The following ACSF3 variants were observed in gnomAD, a reference collection of about 807,000 sequenced individuals.
ACSF3 encodes the protein malonate--CoA ligase ACSF3, mitochondrial.
A neutral mutation model predicts 53.2 loss-of-function variants in ACSF3; 78 were observed. The observed-to-expected ratio is 1.47, with a 90% CI of 1.22 to 1.77. The LOEUF (loss-of-function observed/expected upper bound fraction) is 1.77, where lower values mean the gene tolerates loss of function less well. ACSF3 is among the 40% of genes most tolerant of loss of function. The probability of loss-of-function intolerance (pLI) is 0.00; values close to 1 mark genes in which losing one functional copy is unlikely to be tolerated. For missense variants in ACSF3, 937 were observed against 771.1 expected (o/e 1.22, Z -2.55); for synonymous variants, 414 against 333.1 (o/e 1.24, Z -2.65).
At chr16:89,116,392 C>T (rs1905117633) in intron 6 of ACSF3, among the ~76,000 whole-genome samples, 1 of 152,180 alleles carries the variant, frequency 6.6e-6, no homozygotes, top group African/African-American at 2.4e-5. Context: ...CAGCTGGTGC[C>T]AGGCAGCGAT....
Position 89,145,348 on chromosome 16 carries a change from A to G in ACSF3, c.1448A>G (p.Lys483Arg). ...GACATCATCAAGACTGGAGGCTACAAGGTCAGCGCCCTGGAGGTGGAGTGG... is the reference window on the plus strand; with the variant it reads ...GACATCATCAAGACTGGAGGCTACAGGGTCAGCGCCCTGGAGGTGGAGTGG... ...SVDIIKTGGY[K>R]VSALEVEWHL... Residue 483 changes from lysine to arginine, a missense_variant, in exon 9 of 11, where the codon AAG (lysine) becomes AGG (arginine). Physicochemically the swap from Lys to Arg is conservative, Grantham distance 26. Transcript: ENST00000614302. 6.2e-7 allele frequency: 1 copy of G among 1,614,224 alleles called. No homozygotes were observed. The highest frequency in any genetic ancestry group is 1.3e-5 in the African/African-American group (1 of 75,070).
rs1567758341 is a variant in ACSF3 at position 89,154,400 on chromosome 16, A to G, written c.*193A>G. On this transcript the variant is annotated 3_prime_UTR_variant, in exon 11 of 11. Transcript: ENST00000614302. ...AGCCTCGGGCCAGTTGTTGCAGCTCAAGGAGACCGTCCCTGGTGTCACCTC... is the reference window on the plus strand; with the variant it reads ...AGCCTCGGGCCAGTTGTTGCAGCTCGAGGAGACCGTCCCTGGTGTCACCTC... 1.5e-6 allele frequency: 1 copy of G among 686,958 alleles called. No homozygotes were observed. The highest frequency in any genetic ancestry group is 2.6e-6 in the Non-Finnish European group (1 of 378,972). 42.6% of individuals were successfully genotyped at this position (686,958 alleles called of 1,614,324 possible). A position where few individuals can be genotyped will look rare whatever the true frequency, so the allele number is the denominator to read the frequency against.
At chr16:89,110,891 T>A (rs1240703804) in intron 4 of ACSF3, among the ~76,000 whole-genome samples, 2 of 152,242 alleles carry the variant, frequency 1.3e-5, no homozygotes, top group African/African-American at 4.8e-5. Context: ...TGGTCGCCTG[T>A]GTCTTTGCTT....
At chr16:89,127,598 C>T (rs2151502267) in intron 7 of ACSF3, among the ~76,000 whole-genome samples, 1 of 152,210 alleles carries the variant, frequency 6.6e-6, no homozygotes, top group African/African-American at 2.4e-5. Context: ...AACTCCTGGC[C>T]TCAAGTGATT....
At chr16:89,141,238 C>G in intron 8 of ACSF3, 1 of 1,287,252 alleles carries the variant, frequency 7.8e-7, no homozygotes, top group Non-Finnish European at 1.0e-6. Context: ...AAGAACAAAA[C>G]CAGCCACTTT....
chr16:89,120,747 C>T (rs775033629), intron 6 of ACSF3, 54 bp from the exon 7 acceptor site: 24 of 1,541,252 alleles, frequency 1.6e-5, no homozygotes, highest in Non-Finnish European at 1.6e-5. Context: ...GTGCTTCTCT[C>T]CTCCAGGTTC....
chr16:89,142,408 C>G (rs112649994), intron 8 of ACSF3, among the ~76,000 whole-genome samples: 7 of 152,294 alleles, frequency 4.6e-5, no homozygotes, highest in African/African-American at 1.7e-4. Context: ...ATACTCAGTG[C>G]CACCACTCCT....
At chr16:89,122,041 C>T (rs1906778706) in intron 7 of ACSF3, among the ~76,000 whole-genome samples, 2 of 135,800 alleles carry the variant, frequency 1.5e-5, no homozygotes, top group Non-Finnish European at 3.2e-5. Flanking sequence ...ATTCTGTTTC[C>T]CCGTGGAAAC....
At chr16:89,114,112 C>A (rs1268491700) in intron 5 of ACSF3, 1 of 614,482 alleles carries the variant, frequency 1.6e-6, no homozygotes, top group Non-Finnish European at 2.9e-6. Flanking sequence ...CTAAAATACA[C>A]CCAACAGATC....
rs779356779 is a variant in ACSF3 at position 89,114,428 on chromosome 16, G to C, written c.1067G>C (p.Gly356Ala). ...ITGHTLLERYGMTEIGMALSG... is the reference protein window; with the variant it reads ...ITGHTLLERYAMTEIGMALSG... ...GGCCACACCCTGCTGGAGCGGTATG[G>C]CATGACCGAGATCGGCATGGCTCTG... Residue 356 changes from glycine (G) to alanine (A), a missense_variant, in exon 6 of 11, where the codon GGC (glycine) becomes GCC (alanine). Gly to Ala is a moderately conservative substitution (Grantham distance 60). Coordinates refer to ENST00000614302, the MANE Select transcript of ACSF3 (RefSeq NM_001243279.3). 1 of 1,613,718 alleles carries C rather than the reference G, an allele frequency of 6.2e-7. No individual in the cohort carries two copies. Among genetic ancestry groups the C allele is most frequent in the Admixed American group, 1.7e-5 (1 of 60,022 alleles).
At chr16:89,134,333 C>T (rs890462436) in intron 8 of ACSF3, among the ~76,000 whole-genome samples, 31 of 152,068 alleles carry the variant, frequency 2.0e-4, no homozygotes, top group African/African-American at 7.3e-4. Context: ...AACCCAGTGA[C>T]TAGTGTTCAG....
chr16:89,140,202 A>G (rs191650515), intron 8 of ACSF3, among the ~76,000 whole-genome samples: 52 of 152,224 alleles, frequency 3.4e-4, no homozygotes, highest in African/African-American at 1.1e-3. Flanking sequence ...CCTGGCCGCA[A>G]TGGAGGCCGC....
chr16:89,121,032 C>T (rs1293536932), intron 7 of ACSF3, 119 bp downstream of exon 7: 8 of 863,552 alleles, frequency 9.3e-6, no homozygotes, highest in East Asian at 2.6e-5. Context: ...GGGGACCAGC[C>T]CCCTGGACAC....
At chr16:89,146,770 A>T (rs1913042654) in intron 10 of ACSF3, among the ~76,000 whole-genome samples, 1 of 151,490 alleles carries the variant, frequency 6.6e-6, no homozygotes, top group South Asian at 2.1e-4. Context: ...ACTTTCTCCC[A>T]CCTGTCTCAC....
chr16:89,103,517 G>T (rs1478849198), intron 4 of ACSF3, among the ~76,000 whole-genome samples: 1 of 152,238 alleles, frequency 6.6e-6, no homozygotes, highest in East Asian at 1.9e-4. Flanking sequence ...GCTTCCCTTT[G>T]TGCAGCCTAT....
In ACSF3 at chr16:89,105,749, C is replaced by T. The variant is rs946237377; in HGVS notation, c.822+2990C>T. Among the ~76,000 whole-genome samples, 5 of 152,222 alleles carry T rather than the reference C, an allele frequency of 3.3e-5. No individual in the cohort carries two copies. The South Asian group carries it at 6.2e-4, about 19-fold the overall frequency. ...GGCAGCAACGGCCATTGTCGTGGAC[C>T]GTGCCAGGGCGAGATGCAGCTGGCA... On this transcript the variant is annotated intron_variant, in intron 4 of 10. Transcript: ENST00000614302.
intron 4 of ACSF3, among the ~76,000 whole-genome samples, chr16:89,109,600 C>T (rs1237890196): frequency 6.6e-6 from 1 of 151,906 alleles, no homozygotes; most frequent in Admixed American, 6.6e-5. Context: ...TTTATAGAGA[C>T]CAGGTTTCAC....
chr16:89,120,825 G>T lies in ACSF3; in HGVS notation c.1151G>T (p.Gly384Val), dbSNP rs1906459931. ...GGTTCCGTGGGGACCCCACTGCCTG[G>T]AGTACAGGTGCGCATTGTCTCAGAA... ...LPGSVGTPLP[G>V]VQVRIVSENP... Residue 384 changes from glycine (G) to valine (V), a missense_variant, in exon 7 of 11, where the codon GGA becomes GTA. Physicochemically the swap from Gly to Val is moderately radical, Grantham distance 109. Coordinates refer to ENST00000614302, the MANE Select transcript of ACSF3 (RefSeq NM_001243279.3). 6.2e-7 allele frequency: 1 copy of T among 1,613,992 alleles called. No individual in the cohort carries two copies. The highest frequency in any genetic ancestry group is 1.3e-5 in the African/African-American group (1 of 74,946).
rs191854493 is a variant in ACSF3 at position 89,122,512 on chromosome 16, C to T, written c.1239+1599C>T. ...CCTTCCTGGCTCTCAAGTCTGTGCC[C>T]TGCAGTGCCCCTGCCCCCAACTCGA... On this transcript the variant is annotated intron_variant, in intron 7 of 10. Transcript: ENST00000614302. 11 of 372,396 alleles carry T rather than the reference C, an allele frequency of 3.0e-5. No individual in the cohort carries two copies. In the Admixed American group the frequency reaches 3.3e-4, roughly 11 times the overall value. 23.1% of individuals were successfully genotyped at this position (372,396 alleles called of 1,614,324 possible).
Sources: allele counts gnomAD v4.1 joint callset (sites outside exome capture counted in the v4.1 genomes callset), GRCh38; gene constraint gnomAD v4.1.1; transcripts MANE v1.5; gene names NCBI Gene and HGNC (gene_info 2026-07-23, HGNC 2026-07-21).